Variants in TRIM46 observed in about 807,000 individuals in gnomAD.
The protein encoded by TRIM46 is tripartite motif containing 46, also known as tripartite motif-containing protein 46.
TRIM46 carries 17 observed loss-of-function variants against 69.7 expected under a neutral mutation model. That is an observed-to-expected ratio of 0.24 (90% CI 0.17 to 0.37). The LOEUF is 0.37. TRIM46 is among the 10% of genes least tolerant of loss of function. The pLI, the probability that TRIM46 is intolerant of heterozygous loss-of-function variation, is 1.00. For missense variants in TRIM46, 675 were observed against 1,025.1 expected (o/e 0.66, Z 4.66); for synonymous variants, 391 against 429.0 (o/e 0.91, Z 1.09).
rs971794938 is a variant in TRIM46 at position 155,174,149 on chromosome 1, G to A, written c.63+120G>A. The A allele has an allele frequency of 7.6e-6, 9 of 1,179,552 alleles. No individual in the cohort carries two copies. The African/African-American group carries it at 1.2e-4, about 16-fold the overall frequency. The allele number at this position is 1,179,552 out of a possible 1,614,324, so 73.1% of individuals were successfully genotyped here. A position where few individuals can be genotyped will look rare whatever the true frequency, so the allele number is the denominator to read the frequency against. On this transcript the variant is annotated intron_variant, in intron 1 of 9. Transcript: ENST00000334634. ...GGATGTAGACAGGGGGCTAGCGATG[G>A]CAGAAACGGCTGGGAGGGTCGGGAT...
Position 155,175,018 on chromosome 1 carries a change from G to A in TRIM46, c.64-368G>A. The A allele has an allele frequency of 7.3e-7, 1 of 1,375,612 alleles. No individual in the cohort carries two copies. Among genetic ancestry groups the A allele is most frequent in the Non-Finnish European group, 9.3e-7 (1 of 1,072,022 alleles). 85.2% of individuals were successfully genotyped at this position (1,375,612 alleles called of 1,614,324 possible). Reference sequence around the variant, plus strand: ...GAGTGGGGGTCTGCATGGAGCTGCAGAATGGGCGGTGTCCTTGAGAAAAAT... The same window carrying A: ...GAGTGGGGGTCTGCATGGAGCTGCAAAATGGGCGGTGTCCTTGAGAAAAAT... On this transcript the variant is annotated intron_variant, in intron 1 of 9. Coordinates refer to ENST00000334634, the MANE Select transcript of TRIM46 (RefSeq NM_025058.5). This position sits in a 1 kb window ranked among gnomAD's most constrained non-coding sequence, Gnocchi z 4.2.
At chr1:155,178,952 C>T (rs1474604255) in intron 7 of TRIM46, 19 of 822,798 alleles carry the variant, frequency 2.3e-5, no homozygotes, top group Middle Eastern at 3.8e-4. Context: ...CCTTCTCTTT[C>T]CTGCCTTGCC....
At chr1:155,182,610 G>A (rs1666248181) in intron 9 of TRIM46, 1 of 190,046 alleles carries the variant, frequency 5.3e-6, no homozygotes, top group Non-Finnish European at 1.1e-5. Context: ...GGAGGCTGAG[G>A]CAGGCAAATC....
intron 7 of TRIM46, 38 bp downstream of exon 7, chr1:155,178,651 T>G: frequency 6.2e-7 from 1 of 1,606,526 alleles, no homozygotes; most frequent in Non-Finnish European, 8.5e-7. Context: ...AACCAGAGCC[T>G]TCTTCCCTTC....
At position 155,178,554 on chromosome 1, in the gene TRIM46, A is replaced by C. The variant is rs1291760809; in HGVS notation, c.1226A>C (p.His409Pro). The C allele has an allele frequency of 6.2e-7, 1 of 1,614,102 alleles. No individual in the cohort carries two copies. The highest frequency in any genetic ancestry group is 8.5e-7 in the Non-Finnish European group (1 of 1,180,022). ...CCAGCTGCCAGCTCCTCCTTCCGCC[A>C]TTGCCAGCTCGACGTGGGACGTGAG... ...FRPAASSSFR[H>P]CQLDVGREMK... The change falls in exon 7 of 10, where the codon CAT (histidine) becomes CCT (proline). Residue 409 changes from histidine to proline, a missense_variant. Physicochemically the swap from His to Pro is moderately conservative, Grantham distance 77. Coordinates refer to ENST00000334634, the MANE Select transcript of TRIM46 (RefSeq NM_025058.5).
At chr1:155,183,117 A>G (rs564388726) in intron 9 of TRIM46, among the ~76,000 whole-genome samples, 27 of 151,906 alleles carry the variant, frequency 1.8e-4, no homozygotes, top group Admixed American at 8.5e-4. Context: ...TCACCGTGTT[A>G]GCCAGGATGG....
intron 1 of TRIM46, chr1:155,174,690 C>A: frequency 6.9e-7 from 1 of 1,443,270 alleles, no homozygotes; most frequent in Non-Finnish European, 9.1e-7. Context: ...CTCTCGCCAC[C>A]AAGAGGGGGA....
chr1:155,176,940 G>A lies in TRIM46; in HGVS notation c.678G>A (p.Met226Ile). The change falls in exon 4 of 10, where the codon ATG becomes ATA. Residue 226 changes from methionine (M) to isoleucine (I), a missense_variant. Around this residue, in one of 5 missense-constraint regions of TRIM46, gnomAD observed 361 missense variants for 498.3 expected, o/e 0.72. Transcript: ENST00000334634. ...GTTCTTTGTGTCCCTAGGGCCTTAT[G>A]TGCCCAGACCACAAGGAAGAGGTGA... ...PTLSFRPKGL[M>I]CPDHKEEVTH... The A allele has an allele frequency of 6.2e-7, 1 of 1,614,014 alleles. No homozygotes were observed. The highest frequency in any genetic ancestry group is 8.5e-7 in the Non-Finnish European group (1 of 1,179,886).
Position 155,175,924 on chromosome 1 carries a change from T to C in TRIM46, c.362T>C (p.Leu121Ser). ...TACCCTGGGAGGAAGCGAGGTGCTT[T>C]GCACCCCCAAGTGATCATGTTCCCG... ...GTYPGRKRGA[L>S]HPQVIMFPCP... The change falls in exon 3 of 10, where the codon TTG (leucine) becomes TCG (serine). Residue 121 changes from leucine (L) to serine (S), a missense_variant. Transcript: ENST00000334634. The surrounding 1 kb of genome is among the most constrained non-coding windows in gnomAD (Gnocchi z 4.2). 6.3e-7 allele frequency: 1 copy of C among 1,596,506 alleles called. No homozygotes were observed. Among genetic ancestry groups the C allele is most frequent in the Non-Finnish European group, 8.6e-7 (1 of 1,169,430 alleles).
chr1:155,183,791 C>T lies in TRIM46; in HGVS notation c.1887-6C>T. The T allele has an allele frequency of 1.2e-6, 2 of 1,600,298 alleles. No homozygotes were observed. The highest frequency in any genetic ancestry group is 1.7e-6 in the Non-Finnish European group (2 of 1,179,748). ...ACAATCTCGTCCCCAACACCCGCTT[C>T]TGCAGGTACGACCCGGACAGCGGGC... On this transcript the variant is annotated splice_region_variant and splice_polypyrimidine_tract_variant and intron_variant, in intron 9 of 9. Transcript: ENST00000334634.
rs755781278 is a variant in TRIM46, at chr1:155,179,891, C to T, written c.1545C>T (p.Gly515=). 2.3e-5 allele frequency: 37 copies of T among 1,606,090 alleles called. No individual in the cohort carries two copies. Among genetic ancestry groups the T allele is most frequent in the African/African-American group, 2.7e-5 (2 of 74,846 alleles). ...RVRGCNKAGY[G]EYSEDVHLHT... is the part of the protein sequence containing the mutation. ...GCGGCTGCAACAAGGCCGGCTACGGCGAATACAGTGAAGATGTGCACCTGC... is the reference window on the plus strand; with the variant it reads ...GCGGCTGCAACAAGGCCGGCTACGGTGAATACAGTGAAGATGTGCACCTGC... Residue 515 remains glycine, a synonymous_variant, in exon 8 of 10, where the codon GGC becomes GGT. Coordinates refer to ENST00000334634, the MANE Select transcript of TRIM46 (RefSeq NM_025058.5).
In TRIM46 at chr1:155,182,051, C is replaced by T. The variant is rs375286115; in HGVS notation, c.1788C>T (p.Cys596=). ...CCCAGGGCCGCAGCTACTGGGCCTG[C>T]GCCGTAGACCCAGCCTCCTACTTGG... ...AVTQGRSYWA[C]AVDPASYLVK... The change falls in exon 9 of 10, where the codon TGC becomes TGT. Residue 596 remains cysteine (C), a synonymous_variant. Coordinates refer to ENST00000334634, the MANE Select transcript of TRIM46 (RefSeq NM_025058.5). The T allele has an allele frequency of 1.4e-5, 23 of 1,613,778 alleles. No individual in the cohort carries two copies. In the African/African-American group the frequency reaches 1.9e-4, roughly 13 times the overall value.
At chr1:155,179,126 T>C (rs1048307389) in intron 7 of TRIM46, among the ~76,000 whole-genome samples, 2 of 152,174 alleles carry the variant, frequency 1.3e-5, no homozygotes, top group Non-Finnish European at 2.9e-5. Flanking sequence ...CAGCTTTTGC[T>C]GTCCCTCTGT....
rs537507308 is a variant in TRIM46 at position 155,177,511 on chromosome 1, GAAAAACCCCATGCATAGCTCA to G, written c.909+232_909+252del. 2.0e-3 allele frequency among the ~76,000 whole-genome samples: 304 copies of G among 152,140 alleles called. 1 individual carries two copies. Among genetic ancestry groups the G allele is most frequent in the African/African-American group, 5.8e-3 (241 of 41,488 alleles). On this transcript the variant is annotated intron_variant, in intron 5 of 9. Coordinates refer to ENST00000334634, the MANE Select transcript of TRIM46 (RefSeq NM_025058.5). Reference sequence around the variant, plus strand: ...GTGGCTATAGCTCAGGAGAGTGCTCGAAAAACCCCATGCATAGCTCAAAAAACCCCACGCGTAGCTCAGATG... The same window carrying G: ...GTGGCTATAGCTCAGGAGAGTGCTCGAAAAACCCCACGCGTAGCTCAGATG...
chr1:155,174,472 C>A, intron 1 of TRIM46: 1 of 1,415,606 alleles, frequency 7.1e-7, no homozygotes, highest in Non-Finnish European at 9.2e-7. Flanking sequence ...CACGCACCCC[C>A]ACTCAGGGCT....
At position 155,179,775 on chromosome 1, in the gene TRIM46, C is replaced by G; in HGVS notation, c.1429C>G (p.Pro477Ala). ...CACGGATGTGCCTGCTCAGCCAGGCCCCACCCGCTGGCAGCGGCGGGAGGA... is the reference window on the plus strand; with the variant it reads ...CACGGATGTGCCTGCTCAGCCAGGCGCCACCCGCTGGCAGCGGCGGGAGGA... ...RRTDVPAQPG[P>A]TRWQRREEVR... The change falls in exon 8 of 10, where the codon CCC becomes GCC. Residue 477 changes from proline (P) to alanine (A), a missense_variant. Around this residue, in one of 5 missense-constraint regions of TRIM46, gnomAD observed 361 missense variants for 498.3 expected, o/e 0.72. Coordinates refer to ENST00000334634, the MANE Select transcript of TRIM46 (RefSeq NM_025058.5). 2 of 1,613,358 alleles carry G rather than the reference C, an allele frequency of 1.2e-6. No individual in the cohort carries two copies. Among genetic ancestry groups the G allele is most frequent in the Non-Finnish European group, 1.7e-6 (2 of 1,179,920 alleles).
At chr1:155,174,116 A>G in intron 1 of TRIM46, 87 bp downstream of exon 1, 4 of 1,424,536 alleles carry the variant, frequency 2.8e-6, no homozygotes, top group Non-Finnish European at 3.9e-6. Flanking sequence ...GGATCCAGGA[A>G]GATGCTGGGA....
intron 5 of TRIM46, 52 bp downstream of exon 5, chr1:155,177,342 G>A: frequency 6.8e-7 from 1 of 1,474,312 alleles, no homozygotes; most frequent in Non-Finnish European, 9.5e-7. Context: ...AGTAGGGGCA[G>A]GAAGGGGGTG....
intron 9 of TRIM46, chr1:155,182,971 C>A (rs557951993): frequency 1.4e-5 from 2 of 143,818 alleles, no homozygotes; most frequent in South Asian, 2.2e-4. Flanking sequence ...AGTCTAGCGG[C>A]GCGATCTCCG....
Sources: gnomAD v4.1 joint callset for allele counts (sites outside exome capture counted in the v4.1 genomes callset) on GRCh38, gnomAD v4.1.1 for gene constraint, gnomAD v4.1.1 regional missense constraint, Gnocchi (gnomAD v3.1) non-coding constraint, MANE v1.5 for transcripts, NCBI Gene and HGNC (gene_info 2026-07-23, HGNC 2026-07-21) for gene names.